Variants in EML1 observed in about 807,000 individuals in gnomAD.
EML1 encodes EMAP like 1.
In EML1, 27 loss-of-function variants were observed where a neutral mutation model predicts 110.4. The observed-to-expected ratio is 0.24, with a 90% CI of 0.18 to 0.34. The LOEUF (loss-of-function observed/expected upper bound fraction) is 0.34. Among genes scored for constraint, EML1 ranks in the 10% least tolerant of loss-of-function variants. The pLI, the probability that EML1 is intolerant of heterozygous loss-of-function variation, is 1.00. For synonymous variants in EML1, 344 were observed against 385.8 expected (o/e 0.89, Z 1.27); for missense variants, 741 against 1,030.9 (o/e 0.72, Z 3.85).
chr14:99,743,225 C>A (rs548401621), intron 1 of EML1, among the ~76,000 whole-genome samples: 4 of 152,328 alleles, frequency 2.6e-5, no homozygotes, highest in African/African-American at 9.6e-5. Context: ...GATTCCCAGG[C>A]ACAGGTCGAG....
At chr14:99,888,165 T>TA (rs2059515046) in intron 4 of EML1, among the ~76,000 whole-genome samples, 1 of 152,348 alleles carries the variant, frequency 6.6e-6, no homozygotes, top group East Asian at 1.9e-4. Context: ...TACCACCTGA[T>TA]ACCTCCTCTC....
intron 1 of EML1, among the ~76,000 whole-genome samples, chr14:99,761,924 CAAA>C (rs35254638): frequency 3.5e-4 from 45 of 127,336 alleles, no homozygotes; most frequent in East Asian, 4.5e-4. Flanking sequence ...GACTCTGTCT[CAAA>C]AAAAAAAAAA....
Position 99,827,009 on chromosome 14 carries a change from G to A in EML1, c.68-23844G>A, listed in dbSNP as rs1458431360. On this transcript the variant is annotated intron_variant, in intron 1 of 21. Transcript: ENST00000262233. This position sits in a 1 kb window ranked among gnomAD's most constrained non-coding sequence, Gnocchi z 4.4. ...TTTCATTCATTCAGCGCCAGATTTT[G>A]TACACGTACTAAGTGCTGAATAAAT... 2.6e-5 allele frequency among the ~76,000 whole-genome samples: 4 copies of A among 151,892 alleles called. No individual in the cohort carries two copies. The highest frequency in any genetic ancestry group is 9.7e-5 in the African/African-American group (4 of 41,426).
In EML1 at chr14:99,940,013, C is replaced by G. The variant is rs1566950568; in HGVS notation, c.2349C>G (p.His783Gln). The G allele has an allele frequency of 6.3e-7, 1 of 1,588,448 alleles. No homozygotes were observed. Among genetic ancestry groups the G allele is most frequent in the Admixed American group, 1.8e-5 (1 of 56,538 alleles). ...FRAPSHIYGG[H>Q]SSHVTNVDFL... is the part of the protein sequence containing the mutation. The stretch of plus-strand genomic sequence containing the variant: ...CTCCAAGCCACATCTACGGCGGGCA[C>G]AGCAGCCATGTCACCAATGTCGATT... The change falls in exon 22 of 22, where the codon CAC becomes CAG. Residue 783 changes from histidine (H) to glutamine (Q), a missense_variant. Transcript: ENST00000262233.
intron 4 of EML1, among the ~76,000 whole-genome samples, chr14:99,880,835 T>A (rs2059372841): frequency 6.6e-6 from 1 of 152,194 alleles, no homozygotes; most frequent in South Asian, 2.1e-4. Flanking sequence ...TGAGCTAACT[T>A]GTAGGAAATT....
intron 1 of EML1, among the ~76,000 whole-genome samples, chr14:99,745,278 C>T (rs565772098): frequency 1.3e-5 from 2 of 152,316 alleles, no homozygotes; most frequent in East Asian, 3.9e-4. Context: ...GTTGCCCAGT[C>T]TGGTCTCAAA....
At chr14:99,867,130 T>C (rs1051086591) in intron 3 of EML1, among the ~76,000 whole-genome samples, 1 of 152,174 alleles carries the variant, frequency 6.6e-6, no homozygotes, top group Non-Finnish European at 1.5e-5. Context: ...CCCATCTTTA[T>C]CATATTTTGT....
intron 1 of EML1, among the ~76,000 whole-genome samples, chr14:99,830,640 T>G (rs2058434516): frequency 6.6e-6 from 1 of 152,028 alleles, no homozygotes; most frequent in Admixed American, 6.6e-5. Context: ...AACCTCCACC[T>G]CCCGGGTTCA....
intron 9 of EML1, among the ~76,000 whole-genome samples, chr14:99,901,784 G>A (rs2895836): frequency 0.24 from 36,799 of 151,996 alleles, 5,402 homozygotes; most frequent in Non-Finnish European, 0.33. Context: ...TATCAGCAAG[G>A]TTTTTATGAC....
At chr14:99,850,273 C>T (rs765895044) in intron 1 of EML1, 19 of 1,287,116 alleles carry the variant, frequency 1.5e-5, no homozygotes, top group Admixed American at 6.9e-5. Context: ...ATTGGAGAGG[C>T]GAAGAAGATC....
intron 1 of EML1, among the ~76,000 whole-genome samples, chr14:99,758,983 C>T (rs1384995824): frequency 6.6e-6 from 1 of 152,234 alleles, no homozygotes; most frequent in African/African-American, 2.4e-5. Context: ...TGGGCCTGCA[C>T]ATGACTTGCT....
At chr14:99,912,394 T>A (rs1279468405) in intron 13 of EML1, among the ~76,000 whole-genome samples, 1 of 152,160 alleles carries the variant, frequency 6.6e-6, no homozygotes, top group Admixed American at 6.6e-5. Flanking sequence ...TATTTAATAT[T>A]CCTTCTGCCC....
At chr14:99,816,803 C>A (rs2058175203) in intron 1 of EML1, among the ~76,000 whole-genome samples, 1 of 152,210 alleles carries the variant, frequency 6.6e-6, no homozygotes, top group Non-Finnish European at 1.5e-5. Flanking sequence ...TGGCTGACAT[C>A]TTCCTACTCC....
intron 1 of EML1, among the ~76,000 whole-genome samples, chr14:99,785,203 C>G (rs188306781): frequency 6.6e-6 from 1 of 152,148 alleles, no homozygotes; most frequent in African/African-American, 2.4e-5. Context: ...TACAGACACA[C>G]GCCACCATGA....
chr14:99,745,834 T>C (rs928413140), intron 1 of EML1, among the ~76,000 whole-genome samples: 7 of 152,326 alleles, frequency 4.6e-5, no homozygotes, highest in Admixed American at 3.3e-4. Context: ...TGAGTTAACC[T>C]CTGACTCTGT....
intron 9 of EML1, chr14:99,907,433 A>C (rs1476380890): frequency 1.7e-6 from 1 of 585,068 alleles, no homozygotes; most frequent in Admixed American, 3.0e-5. Flanking sequence ...GCACCACTGC[A>C]CTGTGACCTG....
At chr14:99,900,310 C>T (rs1435679769) in intron 8 of EML1, among the ~76,000 whole-genome samples, 2 of 151,508 alleles carry the variant, frequency 1.3e-5, no homozygotes, top group East Asian at 3.9e-4. Context: ...GCCTCAGCCT[C>T]CCAAGTAGCT....
At chr14:99,762,591 A>G (rs1595250618) in intron 1 of EML1, among the ~76,000 whole-genome samples, 1 of 152,356 alleles carries the variant, frequency 6.6e-6, no homozygotes, top group East Asian at 1.9e-4. Flanking sequence ...TGAGCCCAAG[A>G]GTTCAAAACC....
intron 4 of EML1, among the ~76,000 whole-genome samples, chr14:99,880,865 A>G (rs1486912388): frequency 2.0e-5 from 3 of 152,186 alleles, no homozygotes; most frequent in African/African-American, 7.2e-5. Flanking sequence ...AGGGCTTGGC[A>G]CTCAGTAAAT....
Sources: allele counts gnomAD v4.1 joint callset (sites outside exome capture counted in the v4.1 genomes callset), GRCh38; gene constraint gnomAD v4.1.1; non-coding constraint Gnocchi (gnomAD v3.1); transcripts MANE v1.5; gene names NCBI Gene and HGNC (gene_info 2026-07-23, HGNC 2026-07-21).